The following RSPH14 variants were observed in gnomAD, a reference collection of about 807,000 sequenced individuals.
RSPH14 encodes rhabdoid tumor deletion region gene 1.
Under a neutral mutation model 26.7 loss-of-function variants are expected in RSPH14, and 20 were observed. That is an observed-to-expected ratio of 0.75 (90% CI 0.53 to 1.09). The LOEUF (loss-of-function observed/expected upper bound fraction) is 1.09. RSPH14 is among the 50% of genes least tolerant of loss of function. The pLI is 0.00. For missense variants in RSPH14, 449 were observed against 457.2 expected, an observed-to-expected ratio of 0.98 and a Z score of 0.16; for synonymous variants, 177 against 189.3, an observed-to-expected ratio of 0.93 and a Z score of 0.53.
chr22:23,063,739 C>A (rs1337363422), intron 5 of RSPH14, among the ~76,000 whole-genome samples, 163 bp downstream of exon 5: 1 of 152,002 alleles, frequency 6.6e-6, no homozygotes, highest in Non-Finnish European at 1.5e-5. Context: ...ATGGTGGTCA[C>A]CCTAGGGGAG....
chr22:23,068,376 T>C (rs2068259254), intron 4 of RSPH14, among the ~76,000 whole-genome samples: 1 of 152,256 alleles, frequency 6.6e-6, no homozygotes, highest in African/African-American at 2.4e-5. Context: ...AATCGTTGTT[T>C]GCTTTCTGCC....
chr22:23,143,258 C>T (rs1471646297), upstream of RSPH14, among the ~76,000 whole-genome samples: 4 of 150,572 alleles, frequency 2.7e-5, no homozygotes, highest in African/African-American at 9.8e-5. Flanking sequence ...ACTACTACAC[C>T]CCAGCCTGGG....
chr22:23,175,111 C>G, the RSPH14 span, among the ~76,000 whole-genome samples: 1 of 151,416 alleles, frequency 6.6e-6, no homozygotes, highest in African/African-American at 2.4e-5. Flanking sequence ...ATTCTCCTGC[C>G]TCAGCCTCCG....
intron 4 of RSPH14, chr22:23,124,442 G>A (rs550194892): frequency 1.4e-4 from 67 of 468,888 alleles, no homozygotes; most frequent in South Asian, 9.3e-4. Context: ...CCAGCCTCGC[G>A]GGACACGTGT....
At chr22:23,159,367 G>C in the RSPH14 span, 1 of 1,041,694 alleles carries the variant, frequency 9.6e-7, no homozygotes, top group Non-Finnish European at 1.4e-6. Flanking sequence ...TCCCTCTGTG[G>C]CCCTGGTGCA....
chr22:23,138,763 A>C, intron 3 of RSPH14, 77 bp downstream of exon 3: 1 of 1,202,852 alleles, frequency 8.3e-7, no homozygotes, highest in Non-Finnish European at 1.2e-6. Flanking sequence ...AGAGCACTCT[A>C]AGCAGCTCAA....
intron 4 of RSPH14, among the ~76,000 whole-genome samples, chr22:23,077,132 G>A (rs1331460301): frequency 6.6e-6 from 1 of 152,182 alleles, no homozygotes; most frequent in African/African-American, 2.4e-5. Context: ...GGATTTAGAT[G>A]AGCTTGCCAG....
At chr22:23,149,527 C>T (rs1418125550), upstream of RSPH14, among the ~76,000 whole-genome samples, 1 of 152,306 alleles carries the variant, frequency 6.6e-6, no homozygotes, top group South Asian at 2.1e-4. Context: ...AACAAAATGT[C>T]ATCAGAGATT....
chr22:23,065,595 A>T (rs751173862), intron 4 of RSPH14, among the ~76,000 whole-genome samples: 2 of 148,750 alleles, frequency 1.3e-5, no homozygotes, highest in Non-Finnish European at 1.5e-5. Context: ...ATCCTTTCCA[A>T]TCTGTGTGAC....
chr22:23,069,837 A>G (rs2146230734), intron 4 of RSPH14, among the ~76,000 whole-genome samples: 2 of 152,276 alleles, frequency 1.3e-5, no homozygotes, highest in South Asian at 4.1e-4. Flanking sequence ...ACAATCCAGG[A>G]AAGCAGGTGC....
the RSPH14 span, among the ~76,000 whole-genome samples, chr22:23,171,752 G>T: frequency 6.8e-6 from 1 of 145,988 alleles, no homozygotes; most frequent in African/African-American, 2.5e-5. Flanking sequence ...TGAGGCAAGA[G>T]AATCGCTTGA....
chr22:23,106,292 G>A (rs908276900), intron 4 of RSPH14, among the ~76,000 whole-genome samples: 6 of 152,262 alleles, frequency 3.9e-5, no homozygotes, highest in African/African-American at 1.4e-4. Flanking sequence ...CCTTGGGCCT[G>A]TGCTGGAGAA....
chr22:23,095,694 C>A, intron 4 of RSPH14: 1 of 1,602,302 alleles, frequency 6.2e-7, no homozygotes, highest in Non-Finnish European at 8.5e-7. Context: ...TGCTGCCAGA[C>A]CATGGGATGT....
intron 4 of RSPH14, among the ~76,000 whole-genome samples, chr22:23,126,953 T>TG (rs946787534): frequency 2.6e-5 from 4 of 152,192 alleles, no homozygotes; most frequent in African/African-American, 7.2e-5. Flanking sequence ...GACTGCTCAC[T>TG]GGGGGGCACA....
chr22:23,075,072 A>G (rs557124036), intron 4 of RSPH14, among the ~76,000 whole-genome samples: 161 of 152,296 alleles, frequency 1.1e-3, no homozygotes, highest in African/African-American at 3.7e-3. Context: ...TGGATGCCCA[A>G]GTGAGTGCCC....
chr22:23,155,916 T>G, the RSPH14 span: 1 of 1,526,540 alleles, frequency 6.6e-7, no homozygotes, highest in Non-Finnish European at 8.9e-7. Context: ...CTCAAGACAC[T>G]GTGATTGTGT....
At chr22:23,145,519 C>A (rs777459728), upstream of RSPH14, 30 of 1,604,254 alleles carry the variant, frequency 1.9e-5, no homozygotes, top group Non-Finnish European at 2.2e-5. Context: ...CGGACCAGGC[C>A]GCGCGGAGCC....
chr22:23,140,377 T>C lies in RSPH14; in HGVS notation c.44A>G (p.Asn15Ser), dbSNP rs775346439. ...ATAGGCAGTGGTAATCTGGGTGGCA[T>C]TGATGTTAATGGGAAGCTCCAAGGA... ...QNSLELPINI[N>S]ATQITTAYGH... Residue 15 changes from asparagine (N) to serine (S), a missense_variant, in exon 2 of 7, where the codon AAT becomes AGT. By Grantham distance (46) the Asn-to-Ser change is conservative (BLOSUM62 1). Transcript: ENST00000216036. 9.3e-6 allele frequency: 15 copies of C among 1,614,052 alleles called. No individual in the cohort carries two copies. Among genetic ancestry groups the C allele is most frequent in the African/African-American group, 1.3e-5 (1 of 74,916 alleles).
intron 4 of RSPH14, among the ~76,000 whole-genome samples, chr22:23,073,729 C>T (rs988957984): frequency 3.3e-5 from 5 of 152,190 alleles, no homozygotes; most frequent in Admixed American, 6.5e-5. Context: ...CAGAACCTCA[C>T]GCGATTCATC....
Sources: gnomAD v4.1 joint callset for allele counts (sites outside exome capture counted in the v4.1 genomes callset) on GRCh38, gnomAD v4.1.1 for gene constraint, MANE v1.5 for transcripts, NCBI Gene and HGNC (gene_info 2026-07-23, HGNC 2026-07-21) for gene names.